The following GABRA2 variants were observed in gnomAD, a reference collection of about 807,000 sequenced individuals.
GABRA2 encodes gamma-aminobutyric acid receptor subunit alpha-2.
In GABRA2, 16 loss-of-function variants were observed where a neutral mutation model predicts 48.7. The ratio of observed to expected loss-of-function variants is 0.33; its 90% CI spans 0.22 to 0.50. The LOEUF (loss-of-function observed/expected upper bound fraction) is 0.50, where lower values mean the gene tolerates loss of function less well. Among genes scored for constraint, GABRA2 ranks in the 20% least tolerant of loss-of-function variants. The pLI is 0.98. For synonymous variants in GABRA2, 185 were observed against 184.5 expected (o/e 1.00, Z -0.02); for missense variants, 275 against 535.6 (o/e 0.51, Z 4.80).
chr4:46,357,668 T>TTTTTTTTTTTTTTTTTC (rs1736220144), intron 3 of GABRA2, among the ~76,000 whole-genome samples: 1 of 138,152 alleles, frequency 7.2e-6, no homozygotes, highest in African/African-American at 2.9e-5. Context: ...TTTTCTTTCT[T>TTTTTTTTTTTTTTTTTC]TTTTTTTTTT....
intron 8 of GABRA2, among the ~76,000 whole-genome samples, chr4:46,297,509 ATATATATG>A (rs1724968988): frequency 1.0e-5 from 1 of 99,164 alleles, no homozygotes; most frequent in South Asian, 2.8e-4. Context: ...ATATATATAT[ATATATATG>A]GAGAACTGAT....
intron 3 of GABRA2, among the ~76,000 whole-genome samples, chr4:46,347,436 C>T (rs191435138): frequency 8.6e-5 from 13 of 151,852 alleles, no homozygotes; most frequent in African/African-American, 3.1e-4. Context: ...AGAAATAAAC[C>T]CACATATCCA....
chr4:46,307,201 C>G (rs908468274), intron 6 of GABRA2, among the ~76,000 whole-genome samples: 3 of 151,274 alleles, frequency 2.0e-5, no homozygotes, highest in African/African-American at 7.3e-5. Flanking sequence ...AATTTCAATT[C>G]ATTAACCATT....
chr4:46,273,435 T>C (rs955413436), intron 8 of GABRA2, among the ~76,000 whole-genome samples: 7 of 88,354 alleles, frequency 7.9e-5, no homozygotes, highest in African/African-American at 3.9e-4. Context: ...ACTGCAGATA[T>C]ATTTAGACAG....
intron 8 of GABRA2, among the ~76,000 whole-genome samples, chr4:46,284,902 A>G (rs900715652): frequency 5.9e-5 from 9 of 151,724 alleles, no homozygotes; most frequent in Non-Finnish European, 1.2e-4. Flanking sequence ...AGTGCAGGAG[A>G]TTTAATTATC....
chr4:46,317,893 A>G (rs963451407), intron 4 of GABRA2, among the ~76,000 whole-genome samples: 6 of 151,930 alleles, frequency 3.9e-5, no homozygotes, highest in African/African-American at 1.4e-4. Flanking sequence ...AATTTAAAAT[A>G]CTGGTCAATG....
At chr4:46,253,219 T>C (rs145242012) in intron 9 of GABRA2, among the ~76,000 whole-genome samples, 101 of 151,516 alleles carry the variant, frequency 6.7e-4, no homozygotes, top group Non-Finnish European at 1.3e-3. Flanking sequence ...CTATACTAAT[T>C]TTAACCAATA....
intron 3 of GABRA2, chr4:46,368,960 G>A: frequency 1.4e-6 from 1 of 698,860 alleles, no homozygotes; most frequent in South Asian, 1.5e-5. Context: ...CCTTTGTTCT[G>A]GCTCTTGAAG....
At chr4:46,251,338 A>C (rs773134206) in intron 9 of GABRA2, among the ~76,000 whole-genome samples, 2 of 151,560 alleles carry the variant, frequency 1.3e-5, no homozygotes, top group Non-Finnish European at 3.0e-5. Context: ...TGGATCATTT[A>C]ACTTCTATGC....
At chr4:46,369,126 C>T (rs928899125) in intron 3 of GABRA2, 7 of 611,860 alleles carry the variant, frequency 1.1e-5, no homozygotes, top group Non-Finnish European at 2.1e-5. Flanking sequence ...TATACTCAAA[C>T]GTTTCCTTGG....
chr4:46,372,249 T>C (rs1429833209), intron 3 of GABRA2, among the ~76,000 whole-genome samples: 2 of 152,144 alleles, frequency 1.3e-5, no homozygotes, highest in Non-Finnish European at 1.5e-5. Flanking sequence ...ATGTGCCCAA[T>C]GCCAAGCAGG....
chr4:46,271,109 G>C (rs1311197542), intron 8 of GABRA2, among the ~76,000 whole-genome samples: 2 of 151,972 alleles, frequency 1.3e-5, no homozygotes, highest in East Asian at 1.9e-4. Context: ...TTTGTGGTTG[G>C]GGTGCAGGGT....
chr4:46,289,705 G>A (rs1025836920), intron 8 of GABRA2, among the ~76,000 whole-genome samples: 7 of 151,970 alleles, frequency 4.6e-5, no homozygotes, highest in Admixed American at 4.6e-4. Flanking sequence ...ATAAATAAAA[G>A]TTACATTAAA....
At chr4:46,263,831 C>T (rs1717540619) in intron 8 of GABRA2, among the ~76,000 whole-genome samples, 1 of 151,942 alleles carries the variant, frequency 6.6e-6, no homozygotes, top group East Asian at 1.9e-4. Context: ...TGAATCTGCA[C>T]ATGATATTTG....
chr4:46,389,697 G>C (rs200052923), intron 1 of GABRA2, 38 bp downstream of exon 1: 41 of 976,428 alleles, frequency 4.2e-5, no homozygotes, highest in Non-Finnish European at 4.7e-5. Context: ...AGACAAACAG[G>C]AAAGTGTCTC....
At chr4:46,324,988 T>C in intron 4 of GABRA2, among the ~76,000 whole-genome samples, 1 of 152,006 alleles carries the variant, frequency 6.6e-6, no homozygotes, top group Non-Finnish European at 1.5e-5. Flanking sequence ...TCTAGGTTGA[T>C]TCCATGTCTT....
At chr4:46,255,606 G>A (rs1336929112) in intron 9 of GABRA2, among the ~76,000 whole-genome samples, 5 of 151,488 alleles carry the variant, frequency 3.3e-5, no homozygotes, top group African/African-American at 4.8e-5. Context: ...TGAATGTTCA[G>A]TTGTCAATTA....
At position 46,336,065 on chromosome 4, in the gene GABRA2, T is replaced by A. The variant is rs568220182; in HGVS notation, c.188-3383A>T. Among the ~76,000 whole-genome samples the A allele has an allele frequency of 5.3e-5, 8 of 152,264 alleles. No individual in the cohort carries two copies. In the South Asian group the frequency reaches 1.7e-3, roughly 32 times the overall value. On this transcript the variant is annotated intron_variant, in intron 3 of 9. Transcript: ENST00000381620. ...TTTGGTCTGTCTCCCCATCCAGGAT[T>A]TAAGCTCCACAAAGAACAGGGACTG...
At chr4:46,290,413 G>GTCTT (rs10631201) in intron 8 of GABRA2, among the ~76,000 whole-genome samples, 58,878 of 151,444 alleles carry the variant, frequency 0.39, 11,897 homozygotes, top group East Asian at 0.5. Flanking sequence ...AACGTAGAAT[G>GTCTT]TCTATTTAAT....
Sources: allele counts gnomAD v4.1 joint callset (sites outside exome capture counted in the v4.1 genomes callset), GRCh38; gene constraint gnomAD v4.1.1; transcripts MANE v1.5; gene names NCBI Gene and HGNC (gene_info 2026-07-23, HGNC 2026-07-21).